The following TAFA5 variants were observed in gnomAD, a reference collection of about 807,000 sequenced individuals.
TAFA5 encodes chemokine-like protein TAFA-5.
A neutral mutation model predicts 15.3 loss-of-function variants in TAFA5; 6 were observed. The observed-to-expected ratio is 0.39, with a 90% CI of 0.21 to 0.77. TAFA5 has a LOEUF of 0.77. TAFA5 is among the 30% of genes least tolerant of loss of function. TAFA5 has a pLI of 0.41. For missense variants in TAFA5, 161 were observed against 193.1 expected, an observed-to-expected ratio of 0.83 and a Z score of 0.98; for synonymous variants, 103 against 80.7, an observed-to-expected ratio of 1.28 and a Z score of -1.48.
intron 1 of TAFA5, among the ~76,000 whole-genome samples, chr22:48,558,421 G>A (rs1923112810): frequency 6.6e-6 from 1 of 152,108 alleles, no homozygotes; most frequent in African/African-American, 2.4e-5. Flanking sequence ...GCACCTCTTG[G>A]GTTCTTGGGG....
intron 3 of TAFA5, among the ~76,000 whole-genome samples, chr22:48,725,076 G>T (rs1352818618): frequency 6.6e-6 from 1 of 152,256 alleles, no homozygotes; most frequent in Non-Finnish European, 1.5e-5. Flanking sequence ...CCAAAAGGGA[G>T]CAGAGCCCAG....
At chr22:48,612,494 C>G (rs1167186158) in intron 1 of TAFA5, among the ~76,000 whole-genome samples, 2 of 152,162 alleles carry the variant, frequency 1.3e-5, no homozygotes, top group Admixed American at 1.3e-4. Flanking sequence ...TGTCCCTGGG[C>G]ACAGGTGGCC....
chr22:48,703,836 C>T (rs1928992805), intron 2 of TAFA5, among the ~76,000 whole-genome samples: 1 of 152,256 alleles, frequency 6.6e-6, no homozygotes, highest in East Asian at 1.9e-4. Context: ...CTGGTCTGTG[C>T]CAACCCCACT....
At position 48,655,517 on chromosome 22, in the gene TAFA5, A is replaced by C. The variant is rs970266612; in HGVS notation, c.262+8771A>C. On this transcript the variant is annotated intron_variant, in intron 2 of 3. Transcript: ENST00000402357. ...CTCACGTGGTGGAAGGTGGAAGGGC[A>C]GAAGGGGGCCAGGCTCCCGCAGTCA... Among the ~76,000 whole-genome samples, 6 of 152,312 alleles carry C rather than the reference A, an allele frequency of 3.9e-5. 1 individual carries two copies. The Middle Eastern group carries it at 0.017, about 432-fold the overall frequency.
intron 1 of TAFA5, among the ~76,000 whole-genome samples, chr22:48,609,367 T>C (rs1011382383): frequency 2.0e-5 from 3 of 152,174 alleles, no homozygotes; most frequent in Non-Finnish European, 4.4e-5. Context: ...CCGAGACCTG[T>C]GGCATCACTG....
At chr22:48,688,471 A>G (rs1928433234) in intron 2 of TAFA5, among the ~76,000 whole-genome samples, 1 of 152,150 alleles carries the variant, frequency 6.6e-6, no homozygotes, top group Non-Finnish European at 1.5e-5. Context: ...GTTCTCCTGG[A>G]GTCTTGTCTT....
In TAFA5 at chr22:48,560,567, TTTATTATTATTA is replaced by T. The variant is rs369448502; in HGVS notation, c.112+70877_112+70888del. On this transcript the variant is annotated intron_variant, in intron 1 of 3. Transcript: ENST00000402357. The surrounding 1 kb of genome is among the most constrained non-coding windows in gnomAD (Gnocchi z 4.2). Reference sequence around the variant, plus strand: ...CACTGGGCCATGAAAAACGTTGTATTTTATTATTATTATTATTATTATTATATTATTATTATT... The same window carrying T: ...CACTGGGCCATGAAAAACGTTGTATTTTATTATTATTATATTATTATTATT... 5.5e-5 allele frequency among the ~76,000 whole-genome samples: 8 copies of T among 144,230 alleles called. No individual in the cohort carries two copies. Among genetic ancestry groups the T allele is most frequent in the African/African-American group, 2.0e-4 (8 of 39,966 alleles). The allele number at this position is 144,230 out of a possible 152,430, so 94.6% of individuals were successfully genotyped here.
chr22:48,683,188 G>GACAC (rs1192791556), intron 2 of TAFA5, among the ~76,000 whole-genome samples: 1 of 152,198 alleles, frequency 6.6e-6, no homozygotes, highest in South Asian at 2.1e-4. Context: ...CACACACACA[G>GACAC]ACACACACAC....
rs1274427113 is a variant in TAFA5, at chr22:48,742,915, C to T, written c.391-6924C>T. Among the ~76,000 whole-genome samples, 1 of 152,192 alleles carries T rather than the reference C, an allele frequency of 6.6e-6. No homozygotes were observed. The highest frequency in any genetic ancestry group is 1.5e-5 in the Non-Finnish European group (1 of 68,018). ...ATGCAGCCCACACGCGGGGCCCCCA[C>T]AGTGCGGACATGTTGGGGCAATGCT... is the stretch of plus-strand genomic sequence containing the variant. On this transcript the variant is annotated intron_variant, in intron 3 of 3. Transcript: ENST00000402357. The surrounding 1 kb of genome is among the most constrained non-coding windows in gnomAD (Gnocchi z 6.2).
chr22:48,710,659 G>A (rs1052169070), intron 3 of TAFA5, among the ~76,000 whole-genome samples: 3 of 152,204 alleles, frequency 2.0e-5, no homozygotes, highest in African/African-American at 7.2e-5. Context: ...GGCCCACCAC[G>A]GGAGGCAGTG....
Position 48,742,976 on chromosome 22 carries a change from G to C in TAFA5, c.391-6863G>C, listed in dbSNP as rs533370282. ...GCCCTCAGCCCAGCCCTGGGACGCA[G>C]GCTCAGCAGCCCCCGGATTCCAGTC... On this transcript the variant is annotated intron_variant, in intron 3 of 3. Coordinates refer to ENST00000402357, the MANE Select transcript of TAFA5 (RefSeq NM_001082967.3). The surrounding 1 kb of genome is among the most constrained non-coding windows in gnomAD (Gnocchi z 6.2). 2.0e-5 allele frequency among the ~76,000 whole-genome samples: 3 copies of C among 152,296 alleles called. No individual in the cohort carries two copies. The East Asian group carries it at 5.8e-4, about 29-fold the overall frequency.
At chr22:48,491,698 C>T (rs975016447) in intron 1 of TAFA5, among the ~76,000 whole-genome samples, 3 of 152,242 alleles carry the variant, frequency 2.0e-5, no homozygotes, top group African/African-American at 7.2e-5. Context: ...AAGGTGTCAG[C>T]ACGTTGTTCA....
In TAFA5 at chr22:48,590,484, A is replaced by G. The variant is rs571934647; in HGVS notation, c.113-56113A>G. Among the ~76,000 whole-genome samples, 489 of 152,278 alleles carry G rather than the reference A, an allele frequency of 3.2e-3. 3 individuals carry two copies. The highest frequency in any genetic ancestry group is 0.011 in the African/African-American group (457 of 41,552). ...TTTAGCAGTGAGGTGATACATGGGT[A>G]TGGTGCAACCCTGGCGGATTCACAG... On this transcript the variant is annotated intron_variant, in intron 1 of 3. Transcript: ENST00000402357.
intron 1 of TAFA5, among the ~76,000 whole-genome samples, chr22:48,538,217 A>G (rs1267257810): frequency 6.6e-6 from 1 of 150,744 alleles, no homozygotes; most frequent in Admixed American, 6.6e-5. Context: ...GCTCTACCGA[A>G]AGTCGCTGCC....
At chr22:48,680,906 C>T (rs1349859120) in intron 2 of TAFA5, among the ~76,000 whole-genome samples, 1 of 152,216 alleles carries the variant, frequency 6.6e-6, no homozygotes, top group Non-Finnish European at 1.5e-5. Flanking sequence ...GTGGCAAGAA[C>T]TGGGGAGCAT....
intron 2 of TAFA5, among the ~76,000 whole-genome samples, chr22:48,661,638 G>A (rs1927444682): frequency 6.6e-6 from 1 of 152,210 alleles, no homozygotes; most frequent in South Asian, 2.1e-4. Context: ...GCAGCGTATG[G>A]CAGTGGGTGC....
intron 3 of TAFA5, among the ~76,000 whole-genome samples, chr22:48,735,937 C>G (rs1436626183): frequency 1.4e-5 from 2 of 146,634 alleles, no homozygotes; most frequent in Non-Finnish European, 3.0e-5. Context: ...GAATGAGAAT[C>G]GCACTCCTAG....
intron 2 of TAFA5, among the ~76,000 whole-genome samples, chr22:48,697,546 ATGG>A (rs1048261822): frequency 4.6e-5 from 7 of 151,894 alleles, no homozygotes; most frequent in Non-Finnish European, 4.4e-5. Context: ...AATGATAATC[ATGG>A]TGGTGATGGT....
At chr22:48,706,489 G>A (rs534318333) in intron 2 of TAFA5, among the ~76,000 whole-genome samples, 1 of 152,304 alleles carries the variant, frequency 6.6e-6, no homozygotes, top group South Asian at 2.1e-4. Flanking sequence ...AGTGCAGTGG[G>A]GATATGTGAC....
Sources: gnomAD v4.1 joint callset for allele counts (sites outside exome capture counted in the v4.1 genomes callset) on GRCh38, gnomAD v4.1.1 for gene constraint, Gnocchi (gnomAD v3.1) non-coding constraint, MANE v1.5 for transcripts, NCBI Gene and HGNC (gene_info 2026-07-23, HGNC 2026-07-21) for gene names.